Variants in TAF4B observed in about 807,000 individuals in gnomAD.
TAF4B encodes transcription initiation factor TFIID subunit 4B.
TAF4B carries 38 observed loss-of-function variants against 86.4 expected under a neutral mutation model. The observed-to-expected ratio is 0.44, with a 90% CI of 0.34 to 0.58. The LOEUF (loss-of-function observed/expected upper bound fraction) is 0.58, where lower values mean the gene tolerates loss of function less well. Ranked by LOEUF, TAF4B falls within the 20% of genes least tolerant of loss-of-function variation. TAF4B has a pLI of 0.02. For synonymous variants in TAF4B, 388 were observed against 391.2 expected (o/e 0.99, Z 0.10); for missense variants, 988 against 1,027.6 (o/e 0.96, Z 0.53).
chr18:26,314,447 AT>A (rs35522498), intron 9 of TAF4B, among the ~76,000 whole-genome samples: 33,198 of 151,936 alleles, frequency 0.22, 4,263 homozygotes, highest in Non-Finnish European at 0.3. Context: ...GAGCCCAGAC[AT>A]CTTTTGTATT....
intron 1 of TAF4B, among the ~76,000 whole-genome samples, chr18:26,260,458 A>T (rs1033739264): frequency 6.6e-6 from 1 of 152,152 alleles, no homozygotes; most frequent in Non-Finnish European, 1.5e-5. Flanking sequence ...TAAGTTTTGT[A>T]TAAGGTATAA....
chr18:26,376,298 A>G (rs1462930872), intron 14 of TAF4B, among the ~76,000 whole-genome samples: 1 of 151,208 alleles, frequency 6.6e-6, no homozygotes, highest in African/African-American at 2.4e-5. Context: ...TTTGGGTAGT[A>G]TTGCCAACTC....
intron 10 of TAF4B, among the ~76,000 whole-genome samples, chr18:26,318,222 A>G (rs1220722835): frequency 6.6e-6 from 1 of 152,082 alleles, no homozygotes; most frequent in Non-Finnish European, 1.5e-5. Context: ...TTCTGTAGAG[A>G]CAGGGTCTCA....
At chr18:26,318,567 C>A (rs1189262863) in intron 10 of TAF4B, among the ~76,000 whole-genome samples, 2 of 152,040 alleles carry the variant, frequency 1.3e-5, no homozygotes, top group African/African-American at 4.8e-5. Flanking sequence ...TGCCAGTGTT[C>A]TTTTCTTTTT....
chr18:26,344,968 C>G (rs1203040954), intron 13 of TAF4B, among the ~76,000 whole-genome samples: 1 of 152,188 alleles, frequency 6.6e-6, no homozygotes, highest in Non-Finnish European at 1.5e-5. Flanking sequence ...ATCAGAATAA[C>G]CCAGCCAGCC....
intron 14 of TAF4B, among the ~76,000 whole-genome samples, chr18:26,375,039 AC>A (rs1168087259): frequency 1.3e-5 from 2 of 152,122 alleles, no homozygotes; most frequent in African/African-American, 4.8e-5. Flanking sequence ...CATTTTCATT[AC>A]CCTACAAAGA....
At chr18:26,315,087 T>G (rs1391002304) in intron 9 of TAF4B, 142 bp from the exon 10 acceptor site, 2 of 483,900 alleles carry the variant, frequency 4.1e-6, no homozygotes, top group African/African-American at 4.0e-5. Flanking sequence ...ATTCTTTTGC[T>G]CTCTGAAACT....
rs1400117839 is a variant in TAF4B, at chr18:26,267,614, C to T, written c.588C>T (p.Ser196=). ...TGGTAACCACTGTTCCGAAGCCTTCCTCAGTACAAGTAAGTTGTGCTGGCC... is the reference window on the plus strand; with the variant it reads ...TGGTAACCACTGTTCCGAAGCCTTCTTCAGTACAAGTAAGTTGTGCTGGCC... ...TTVVTTVPKP[S]SVQSVAVPTS... is the part of the protein sequence containing the mutation. The change falls in exon 3 of 15, where the codon TCC becomes TCT. Residue 196 remains serine, a synonymous_variant. Transcript: ENST00000269142. 2 of 1,612,808 alleles carry T rather than the reference C, an allele frequency of 1.2e-6. No homozygotes were observed. Among genetic ancestry groups the T allele is most frequent in the African/African-American group, 2.7e-5 (2 of 74,906 alleles).
At chr18:26,280,734 G>A (rs535537017) in intron 5 of TAF4B, among the ~76,000 whole-genome samples, 7 of 152,242 alleles carry the variant, frequency 4.6e-5, no homozygotes, top group African/African-American at 1.2e-4. Context: ...TGTGGAAAGC[G>A]GTTTGAAGAT....
intron 2 of TAF4B, 76 bp from the exon 3 acceptor site, chr18:26,267,439 TA>T: frequency 1.1e-6 from 1 of 936,800 alleles, no homozygotes. Flanking sequence ...TAAAGTGTTC[TA>T]ATGTTCACTG....
At chr18:26,255,398 A>G (rs1206361969) in intron 1 of TAF4B, among the ~76,000 whole-genome samples, 1 of 151,916 alleles carries the variant, frequency 6.6e-6, no homozygotes, top group Non-Finnish European at 1.5e-5. Flanking sequence ...TAGGAGGGTC[A>G]TTTGAGACCA....
At chr18:26,292,675 A>G (rs1303414960) in intron 8 of TAF4B, among the ~76,000 whole-genome samples, 1 of 152,096 alleles carries the variant, frequency 6.6e-6, no homozygotes, top group Admixed American at 6.6e-5. Context: ...GGCGTGCACC[A>G]CCACAGCTGG....
chr18:26,378,258 C>T (rs1420630575), intron 14 of TAF4B, among the ~76,000 whole-genome samples: 1 of 152,092 alleles, frequency 6.6e-6, no homozygotes, highest in Non-Finnish European at 1.5e-5. Context: ...AATAATATCC[C>T]CATTGAGAAA....
intron 6 of TAF4B, among the ~76,000 whole-genome samples, chr18:26,285,222 G>GTTTTTTTTTTTTGTTTTTTTTTTTGT (rs2056501259): frequency 6.6e-5 from 3 of 45,660 alleles, no homozygotes; most frequent in Non-Finnish European, 9.0e-5. Flanking sequence ...TTTTTTTTTT[G>GTTTTTTTTTTTTGTTTTTTTTTTTGT]TTTTTTTTTT....
intron 9 of TAF4B, among the ~76,000 whole-genome samples, chr18:26,294,830 A>G (rs556052618): frequency 6.7e-6 from 1 of 150,330 alleles, no homozygotes; most frequent in African/African-American, 2.4e-5. Context: ...AAAAAGGGCA[A>G]GCCTGAAACG....
chr18:26,292,223 A>AT (rs1568132544), intron 7 of TAF4B, 23 bp from the exon 8 acceptor site: 5 of 1,609,792 alleles, frequency 3.1e-6, no homozygotes, highest in Non-Finnish European at 4.2e-6. Context: ...GAACAACTAT[A>AT]TTGATAGTTC....
At chr18:26,378,294 T>C (rs2057456453) in intron 14 of TAF4B, among the ~76,000 whole-genome samples, 1 of 152,228 alleles carries the variant, frequency 6.6e-6, no homozygotes, top group South Asian at 2.1e-4. Context: ...TTCTCAAGCA[T>C]TTCAGTAATA....
chr18:26,294,454 A>G (rs2056636150), intron 9 of TAF4B, among the ~76,000 whole-genome samples: 1 of 151,468 alleles, frequency 6.6e-6, no homozygotes, highest in African/African-American at 2.4e-5. Context: ...TTTTTGGCCC[A>G]TTTTTGTTTC....
intron 12 of TAF4B, among the ~76,000 whole-genome samples, chr18:26,334,598 A>C (rs972651666): frequency 1.3e-5 from 2 of 152,212 alleles, no homozygotes; most frequent in Non-Finnish European, 2.9e-5. Flanking sequence ...ACAATTATTG[A>C]ACATGGTGCA....
Sources: gnomAD v4.1 joint callset for allele counts (sites outside exome capture counted in the v4.1 genomes callset) on GRCh38, gnomAD v4.1.1 for gene constraint, MANE v1.5 for transcripts, NCBI Gene and HGNC (gene_info 2026-07-23, HGNC 2026-07-21) for gene names.